Variants in SMYD3 observed in about 807,000 individuals in gnomAD.
SMYD3 encodes SET and MYND domain containing 3.
In SMYD3, 36 loss-of-function variants were observed where a neutral mutation model predicts 57.7. The ratio of observed to expected loss-of-function variants is 0.62; its 90% confidence interval spans 0.48 to 0.82. The LOEUF (loss-of-function observed/expected upper bound fraction) is 0.82, where lower values mean the gene tolerates loss of function less well. Ranked by LOEUF, SMYD3 falls within the 40% of genes least tolerant of loss-of-function variation. The pLI is 0.00. For synonymous variants in SMYD3, 211 were observed against 195.0 expected, an observed-to-expected ratio of 1.08 and a Z score of -0.68; for missense variants, 515 against 538.8, an observed-to-expected ratio of 0.96 and a Z score of 0.44.
At chr1:246,143,451 T>C (rs1297971443) in intron 5 of SMYD3, among the ~76,000 whole-genome samples, 1 of 152,052 alleles carries the variant, frequency 6.6e-6, no homozygotes, top group Non-Finnish European at 1.5e-5. Flanking sequence ...CCAAGGCAGG[T>C]GGATAGCTTG....
Position 245,924,734 on chromosome 1 carries a change from C to T in SMYD3, c.702+3197G>A, listed in dbSNP as rs147976854. Reference sequence around the variant, plus strand: ...CTGGAGTGCAATGGTGCGATCTTGGCTCACCGCAACCTGCGCCTCCTGGGT... The same window carrying T: ...CTGGAGTGCAATGGTGCGATCTTGGTTCACCGCAACCTGCGCCTCCTGGGT... On this transcript the variant is annotated intron_variant, in intron 7 of 11. Transcript: ENST00000490107. Among the ~76,000 whole-genome samples, 1,401 of 150,230 alleles carry T rather than the reference C, an allele frequency of 9.3e-3. 9 individuals carry two copies. The highest frequency in any genetic ancestry group is 0.012 in the Non-Finnish European group (842 of 67,852).
intron 1 of SMYD3, among the ~76,000 whole-genome samples, chr1:246,446,845 T>C (rs1186972592): frequency 6.6e-6 from 1 of 152,040 alleles, no homozygotes; most frequent in African/African-American, 2.4e-5. Context: ...CTGGCTAACA[T>C]GATGAAACCC....
chr1:246,340,879 G>C (rs965842848), intron 2 of SMYD3, among the ~76,000 whole-genome samples: 1 of 152,104 alleles, frequency 6.6e-6, no homozygotes, highest in Non-Finnish European at 1.5e-5. Context: ...GCTAAGAGGA[G>C]AGGATCACTC....
At chr1:246,205,089 G>A (rs1281555625) in intron 5 of SMYD3, among the ~76,000 whole-genome samples, 1 of 152,106 alleles carries the variant, frequency 6.6e-6, no homozygotes, top group Admixed American at 6.5e-5. Context: ...CTTCACTTAT[G>A]AACTGTCAAA....
chr1:246,045,411 G>T (rs570591812), intron 5 of SMYD3, among the ~76,000 whole-genome samples: 3 of 152,026 alleles, frequency 2.0e-5, no homozygotes, highest in Non-Finnish European at 4.4e-5. Context: ...AATGGTGCTG[G>T]GAAAACTGGC....
At chr1:246,100,508 A>C (rs144323476) in intron 5 of SMYD3, among the ~76,000 whole-genome samples, 86 of 152,256 alleles carry the variant, frequency 5.6e-4, no homozygotes, top group African/African-American at 1.9e-3. Flanking sequence ...ATCTGCCTGC[A>C]ACCCTTGCTT....
At chr1:246,041,152 G>A (rs1286074970) in intron 5 of SMYD3, among the ~76,000 whole-genome samples, 2 of 152,170 alleles carry the variant, frequency 1.3e-5, no homozygotes, top group African/African-American at 4.8e-5. Flanking sequence ...AGCAAGAGAC[G>A]ATACTTCACA....
chr1:246,310,003 A>G (rs527651420), intron 5 of SMYD3, among the ~76,000 whole-genome samples: 2 of 152,346 alleles, frequency 1.3e-5, no homozygotes, highest in African/African-American at 4.8e-5. Flanking sequence ...AAAAAGGTTC[A>G]TAATAGAACC....
rs111281331 is a variant in SMYD3, at chr1:246,469,484, C to G, written c.164+37570G>C. ...TCATTCCAGAGAGTAAGAAAGTGTT[C>G]CTAAAAATTATGGAGGTAGATCAAA... On this transcript the variant is annotated intron_variant, in intron 1 of 11. Coordinates refer to ENST00000490107, the MANE Select transcript of SMYD3 (RefSeq NM_001167740.2). Among the ~76,000 whole-genome samples the G allele has an allele frequency of 8.8e-3, 1,339 of 152,100 alleles. 27 individuals carry two copies. The highest frequency in any genetic ancestry group is 0.029 in the African/African-American group (1,198 of 41,478).
At chr1:246,144,318 GT>G (rs1381709141) in intron 5 of SMYD3, among the ~76,000 whole-genome samples, 9 of 152,164 alleles carry the variant, frequency 5.9e-5, no homozygotes. Flanking sequence ...TATTGAATGT[GT>G]TTTTGGTATT....
At chr1:246,274,247 G>A (rs2148554639) in intron 5 of SMYD3, among the ~76,000 whole-genome samples, 1 of 152,302 alleles carries the variant, frequency 6.6e-6, no homozygotes, top group East Asian at 1.9e-4. Flanking sequence ...GTTACTGTTA[G>A]AGAACATATC....
intron 5 of SMYD3, among the ~76,000 whole-genome samples, chr1:246,193,244 GA>G (rs1300927987): frequency 6.6e-6 from 1 of 152,114 alleles, no homozygotes; most frequent in Non-Finnish European, 1.5e-5. Flanking sequence ...ATACAGATCT[GA>G]AAAAATTCTG....
At chr1:246,179,901 G>C (rs12046597) in intron 5 of SMYD3, among the ~76,000 whole-genome samples, 3,520 of 152,204 alleles carry the variant, frequency 0.023, 206 homozygotes, top group East Asian at 0.22. Flanking sequence ...TGGGGCCCAT[G>C]TTCACCCTGG....
At chr1:246,123,180 G>A (rs1470382404) in intron 5 of SMYD3, among the ~76,000 whole-genome samples, 1 of 152,114 alleles carries the variant, frequency 6.6e-6, no homozygotes, top group Admixed American at 6.5e-5. Flanking sequence ...AAAATGAGCT[G>A]AATATGTTCA....
intron 1 of SMYD3, among the ~76,000 whole-genome samples, chr1:246,445,578 C>T (rs1433974988): frequency 5.3e-5 from 8 of 151,942 alleles, no homozygotes; most frequent in Non-Finnish European, 1.0e-4. Context: ...TTAAGATGCC[C>T]GGGGTCTAAA....
chr1:245,877,135 G>A (rs1261572903), intron 8 of SMYD3, among the ~76,000 whole-genome samples: 2 of 152,228 alleles, frequency 1.3e-5, no homozygotes, highest in Admixed American at 6.5e-5. Context: ...GCATGGCAGG[G>A]CGGCGCTGCG....
intron 5 of SMYD3, among the ~76,000 whole-genome samples, chr1:246,013,055 G>A (rs1400859234): frequency 6.6e-6 from 1 of 152,214 alleles, no homozygotes; most frequent in Non-Finnish European, 1.5e-5. Flanking sequence ...ATTCTCACAT[G>A]TGCCGAGAAG....
At chr1:246,212,799 G>T (rs1327705808) in intron 5 of SMYD3, among the ~76,000 whole-genome samples, 1 of 152,076 alleles carries the variant, frequency 6.6e-6, no homozygotes, top group African/African-American at 2.4e-5. Context: ...ACAGAGAATA[G>T]CTGTAATGAA....
At chr1:246,267,271 T>C (rs1178090023) in intron 5 of SMYD3, among the ~76,000 whole-genome samples, 1 of 152,176 alleles carries the variant, frequency 6.6e-6, no homozygotes, top group East Asian at 1.9e-4. Context: ...AAGCAAATGG[T>C]CATGCATTAA....
Sources: allele counts gnomAD v4.1 joint callset (sites outside exome capture counted in the v4.1 genomes callset), GRCh38; gene constraint gnomAD v4.1.1; transcripts MANE v1.5; gene names NCBI Gene and HGNC (gene_info 2026-07-23, HGNC 2026-07-21).